The following POLR3A variants were observed in gnomAD, a reference collection of about 807,000 sequenced individuals.
POLR3A encodes DNA-directed RNA polymerase III subunit RPC1.
POLR3A carries 112 observed loss-of-function variants against 152.8 expected under a neutral mutation model. That is an observed-to-expected ratio of 0.73 (90% confidence interval 0.63 to 0.86). POLR3A has a LOEUF of 0.86. Among genes scored for constraint, POLR3A ranks in the 40% least tolerant of loss-of-function variants. The pLI is 0.00. For missense variants in POLR3A, 1,385 were observed against 1,743.1 expected (o/e 0.79, Z 3.66); for synonymous variants, 615 against 652.1 (o/e 0.94, Z 0.87).
intron 21 of POLR3A, among the ~76,000 whole-genome samples, chr10:77,987,092 T>TA (rs1159668441): frequency 6.6e-6 from 1 of 152,136 alleles, no homozygotes; most frequent in African/African-American, 2.4e-5. Flanking sequence ...AAGGAGCACT[T>TA]ACAGAGGAGC....
At chr10:77,984,039 A>T (rs1847173686) in intron 25 of POLR3A, 27 bp from the exon 26 acceptor site, 2 of 1,509,666 alleles carry the variant, frequency 1.3e-6, no homozygotes, top group South Asian at 1.1e-5. Flanking sequence ...TCAGACTGTT[A>T]ATCAGCCGCT....
chr10:77,999,327 A>C (rs1203761409), intron 19 of POLR3A, among the ~76,000 whole-genome samples: 1 of 152,138 alleles, frequency 6.6e-6, no homozygotes, highest in Non-Finnish European at 1.5e-5. Context: ...ATACAGTTAA[A>C]TTATTGAGTG....
At chr10:77,990,785 T>C (rs1386832205) in intron 21 of POLR3A, among the ~76,000 whole-genome samples, 1 of 152,092 alleles carries the variant, frequency 6.6e-6, no homozygotes, top group African/African-American at 2.4e-5. Flanking sequence ...GGCTAATTTT[T>C]GTATTTTTAG....
chr10:78,026,975 G>A (rs1055160032), intron 1 of POLR3A, among the ~76,000 whole-genome samples: 1 of 152,146 alleles, frequency 6.6e-6, no homozygotes, highest in Admixed American at 6.6e-5. Flanking sequence ...CCATCCTACA[G>A]GCTGAGGATA....
intron 23 of POLR3A, among the ~76,000 whole-genome samples, chr10:77,985,648 G>C (rs1230428441): frequency 6.6e-6 from 1 of 152,230 alleles, no homozygotes; most frequent in Non-Finnish European, 1.5e-5. Flanking sequence ...AAACAGAGCA[G>C]TGGCATCTGC....
At chr10:78,010,628 T>C in intron 11 of POLR3A, 88 bp from the exon 12 acceptor site, 8 of 942,550 alleles carry the variant, frequency 8.5e-6, no homozygotes, top group Non-Finnish European at 1.2e-5. Context: ...TGAATAGTTA[T>C]GAACAAATAC....
chr10:78,021,824 G>C, intron 7 of POLR3A, 36 bp downstream of exon 7: 2 of 1,612,678 alleles, frequency 1.2e-6, no homozygotes, highest in Non-Finnish European at 1.7e-6. Flanking sequence ...ACCAAAGAGA[G>C]TGGGCTGGCT....
In POLR3A at chr10:78,007,860, G is replaced by A. The variant is rs1210980002; in HGVS notation, c.1916C>T (p.Thr639Ile). ...ACTCATCAACTCACTGTTCTGGATT[G>A]TAACATCTGGAAGAATGATTATATA... is the stretch of plus-strand genomic sequence containing the variant. ...EDLCANDSYV[T>I]IQNSELMSGS... is the part of the protein sequence containing the mutation. Residue 639 changes from threonine to isoleucine, a missense_variant, in exon 15 of 31, where the codon ACA (threonine) becomes ATA (isoleucine). Thr to Ile is a moderately conservative substitution (Grantham distance 89). This residue lies in a region of POLR3A where 188 missense variants were observed against 179.9 expected (regional missense o/e 1.04). Transcript: ENST00000372371. 2 of 1,611,334 alleles carry A rather than the reference G, an allele frequency of 1.2e-6. No individual in the cohort carries two copies. The highest frequency in any genetic ancestry group is 1.3e-5 in the African/African-American group (1 of 74,962).
intron 21 of POLR3A, 146 bp downstream of exon 21, chr10:77,990,908 C>G (rs1168333977): frequency 1.5e-6 from 1 of 658,566 alleles, no homozygotes; most frequent in African/African-American, 1.8e-5. Flanking sequence ...GCCACCATGC[C>G]TGGCCCATTC....
intron 8 of POLR3A, chr10:78,019,870 TAAA>T (rs764453901): frequency 2.2e-5 from 3 of 137,758 alleles, no homozygotes; most frequent in South Asian, 2.3e-4. Context: ...GACCTCAATT[TAAA>T]AAAAAAAAAA....
chr10:77,996,491 TC>T (rs1847302024), intron 19 of POLR3A, among the ~76,000 whole-genome samples: 1 of 152,038 alleles, frequency 6.6e-6, no homozygotes, highest in African/African-American at 2.4e-5. Flanking sequence ...TCACCAACGA[TC>T]CCACAGAAAT....
intron 2 of POLR3A, 125 bp downstream of exon 2, chr10:78,025,969 A>T: frequency 7.8e-7 from 1 of 1,280,706 alleles, no homozygotes; most frequent in Non-Finnish European, 1.1e-6. Flanking sequence ...TTCTTGACCT[A>T]GTCTAATATG....
At chr10:78,021,324 T>C (rs1408502203) in intron 8 of POLR3A, among the ~76,000 whole-genome samples, 16 of 152,034 alleles carry the variant, frequency 1.1e-4, no homozygotes, top group Admixed American at 1.0e-3. Context: ...TATGAGTAAA[T>C]ACACATGAAA....
At chr10:78,028,444 G>C (rs541135174) in intron 1 of POLR3A, among the ~76,000 whole-genome samples, 2 of 152,072 alleles carry the variant, frequency 1.3e-5, no homozygotes, top group Non-Finnish European at 2.9e-5. Context: ...TATTCAGACC[G>C]TATCTTTAAC....
chr10:78,021,539 C>T lies in POLR3A; in HGVS notation c.1185+7G>A. On this transcript the variant is annotated splice_region_variant and intron_variant, in intron 8 of 30. Transcript: ENST00000372371. Reference sequence around the variant, plus strand: ...ACAAAGAATTGAGCAGCTGAGTGGTCACTTACCTTCTCAGGAAAAGTTAGA... The same window carrying T: ...ACAAAGAATTGAGCAGCTGAGTGGTTACTTACCTTCTCAGGAAAAGTTAGA... The T allele has an allele frequency of 6.2e-7, 1 of 1,613,796 alleles. No individual in the cohort carries two copies. The highest frequency in any genetic ancestry group is 8.5e-7 in the Non-Finnish European group (1 of 1,179,738).
In POLR3A at chr10:77,975,453, C is replaced by T. The variant is rs750111274; in HGVS notation, c.*2025G>A. On this transcript the variant is annotated 3_prime_UTR_variant, in exon 31 of 31. Coordinates refer to ENST00000372371, the MANE Select transcript of POLR3A (RefSeq NM_007055.4). ...ACCTCCAGGACGTATGACTTCCCCC[C>T]CTACCCATGGGTGATGTGATCCTTC... The T allele has an allele frequency of 2.0e-5, 3 of 152,226 alleles. No individual in the cohort carries two copies. Among genetic ancestry groups the T allele is most frequent in the African/African-American group, 4.8e-5 (2 of 41,416 alleles). The allele number at this position is 152,226 out of a possible 1,614,324, so 9.4% of individuals were successfully genotyped here. A position where few individuals can be genotyped will look rare whatever the true frequency, so the allele number is the denominator to read the frequency against.
At position 78,009,907 on chromosome 10, in the gene POLR3A, T is replaced by C; in HGVS notation, c.1727A>G (p.Asp576Gly). The C allele has an allele frequency of 1.2e-6, 2 of 1,614,114 alleles. No homozygotes were observed. The highest frequency in any genetic ancestry group is 1.7e-6 in the Non-Finnish European group (2 of 1,180,034). The change falls in exon 13 of 31, where the codon GAT (aspartate) becomes GGT (glycine). Residue 576 changes from aspartate to glycine, a missense_variant. Around this residue, in one of 7 missense-constraint regions of POLR3A, gnomAD observed 188 missense variants for 179.9 expected, o/e 1.04. Coordinates refer to ENST00000372371, the MANE Select transcript of POLR3A (RefSeq NM_007055.4). Reference sequence around the variant, plus strand: ...TGGGAGGCGAACTTTAATTTTCTCATCCTTGCCAACCAGTATTGAAGCAAT... The same window carrying C: ...TGGGAGGCGAACTTTAATTTTCTCACCCTTGCCAACCAGTATTGAAGCAAT... ...QIIASILVGK[D>G]EKIKVRLPPP...
chr10:77,986,889 G>A (rs1406199793), intron 21 of POLR3A, among the ~76,000 whole-genome samples: 6 of 152,194 alleles, frequency 3.9e-5, no homozygotes, highest in Non-Finnish European at 7.3e-5. Flanking sequence ...CAAGAAGAAG[G>A]TGAAAAATAC....
intron 11 of POLR3A, chr10:78,013,283 G>T: frequency 3.3e-6 from 1 of 298,828 alleles, no homozygotes; most frequent in South Asian, 3.5e-5. Context: ...ATTTACTTAG[G>T]TAGGACATCT....
Sources: allele counts gnomAD v4.1 joint callset (sites outside exome capture counted in the v4.1 genomes callset), GRCh38; gene constraint gnomAD v4.1.1; regional missense constraint gnomAD v4.1.1; transcripts MANE v1.5; gene names NCBI Gene and HGNC (gene_info 2026-07-23, HGNC 2026-07-21).